Variants in ANK3 observed in about 807,000 individuals in gnomAD.
ANK3 encodes the protein ankyrin 3, also known as ankyrin-3.
In ANK3, 57 loss-of-function variants were observed where a neutral mutation model predicts 370.9. The ratio of observed to expected loss-of-function variants is 0.15; its 90% CI spans 0.12 to 0.19. The LOEUF is 0.19. Ranked by LOEUF, ANK3 falls within the 10% of genes least tolerant of loss-of-function variation. ANK3 has a pLI of 1.00. For synonymous variants in ANK3, 1,929 were observed against 1,946.3 expected (o/e 0.99, Z 0.23); for missense variants, 4,439 against 5,302.1 (o/e 0.84, Z 5.06).
chr10:60,438,840 A>G (rs1372596536), intron 2 of ANK3, among the ~76,000 whole-genome samples: 2 of 152,212 alleles, frequency 1.3e-5, no homozygotes. Flanking sequence ...AGATGAGCTG[A>G]TCCTTTGCTG....
intron 2 of ANK3, among the ~76,000 whole-genome samples, chr10:60,516,897 C>T (rs1299645624): frequency 1.3e-5 from 2 of 152,032 alleles, no homozygotes; most frequent in African/African-American, 2.4e-5. Flanking sequence ...CTTCTTAAAA[C>T]CTCTGTGAAA....
intron 1 of ANK3, among the ~76,000 whole-genome samples, chr10:60,327,180 T>C (rs2050112527): frequency 6.6e-6 from 1 of 152,064 alleles, no homozygotes; most frequent in South Asian, 2.1e-4. Flanking sequence ...GAGGGCGAGG[T>C]GACAGTTATG....
chr10:60,648,540 A>G (rs1236634005), intron 1 of ANK3, among the ~76,000 whole-genome samples: 2 of 143,482 alleles, frequency 1.4e-5, no homozygotes, highest in Non-Finnish European at 3.0e-5. Flanking sequence ...GGAGGCCGAC[A>G]AGGGTGGATC....
intron 25 of ANK3, among the ~76,000 whole-genome samples, chr10:60,132,622 A>AT (rs113211840): frequency 0.075 from 10,818 of 144,574 alleles, 1,065 homozygotes; most frequent in African/African-American, 0.23. Context: ...CCTATAATCA[A>AT]TTTTTTTTTT....
intron 21 of ANK3, among the ~76,000 whole-genome samples, chr10:60,168,962 T>C (rs2095700494): frequency 6.6e-6 from 1 of 152,234 alleles, no homozygotes; most frequent in African/African-American, 2.4e-5. Flanking sequence ...GCATTTGGGT[T>C]GATTTCACAT....
intron 2 of ANK3, among the ~76,000 whole-genome samples, chr10:60,477,943 T>G (rs147549991): frequency 3.9e-5 from 6 of 152,208 alleles, no homozygotes; most frequent in Non-Finnish European, 8.8e-5. Flanking sequence ...TAGGATAATA[T>G]GAAGTCAGGT....
At chr10:60,162,944 C>A (rs1254220914) in intron 23 of ANK3, among the ~76,000 whole-genome samples, 1 of 152,102 alleles carries the variant, frequency 6.6e-6, no homozygotes, top group South Asian at 2.1e-4. Context: ...ACATTTTATA[C>A]CCCCCTGCCC....
At chr10:60,301,712 C>T (rs188846278) in intron 1 of ANK3, among the ~76,000 whole-genome samples, 3 of 152,194 alleles carry the variant, frequency 2.0e-5, no homozygotes, top group East Asian at 1.9e-4. Context: ...CCACTGTACC[C>T]GGCCCAGATA....
At chr10:60,695,540 T>C (rs1469547824) in intron 1 of ANK3, among the ~76,000 whole-genome samples, 3 of 152,104 alleles carry the variant, frequency 2.0e-5, no homozygotes, top group African/African-American at 7.2e-5. Flanking sequence ...ACAGAAATTA[T>C]AACAAACTGT....
chr10:60,480,874 A>C (rs907793695), intron 2 of ANK3, among the ~76,000 whole-genome samples: 3 of 152,190 alleles, frequency 2.0e-5, no homozygotes, highest in Non-Finnish European at 4.4e-5. Context: ...TGCTAACAAA[A>C]GTTTTGGATC....
At chr10:60,279,465 G>T (rs374535117) in intron 2 of ANK3, 73 bp downstream of exon 2, 2 of 1,157,858 alleles carry the variant, frequency 1.7e-6, no homozygotes, top group Non-Finnish European at 1.3e-6. Context: ...ACAAATAAAT[G>T]AAGTCTTTAA....
At chr10:60,288,954 T>C (rs995518153) in intron 1 of ANK3, among the ~76,000 whole-genome samples, 11 of 150,178 alleles carry the variant, frequency 7.3e-5, no homozygotes, top group African/African-American at 1.7e-4. Flanking sequence ...TCAGATTCGA[T>C]TGGTCTGAGA....
chr10:60,458,200 T>C (rs1434838810), intron 2 of ANK3, among the ~76,000 whole-genome samples: 1 of 152,102 alleles, frequency 6.6e-6, no homozygotes, highest in Non-Finnish European at 1.5e-5. Context: ...AGATGGAAGT[T>C]ACTGGGAAAT....
At chr10:60,293,785 T>G (rs571271960) in intron 1 of ANK3, among the ~76,000 whole-genome samples, 17 of 152,346 alleles carry the variant, frequency 1.1e-4, no homozygotes, top group Admixed American at 9.2e-4. Context: ...ATAGCTTGGC[T>G]ACACAACAAC....
At chr10:60,106,620 A>G (rs999538599) in intron 27 of ANK3, among the ~76,000 whole-genome samples, 6 of 151,882 alleles carry the variant, frequency 4.0e-5, no homozygotes, top group Non-Finnish European at 8.8e-5. Flanking sequence ...GTGAAATGGT[A>G]GTAGGTAGCT....
chr10:60,275,365 T>C (rs1025896181), intron 4 of ANK3, among the ~76,000 whole-genome samples: 3 of 152,192 alleles, frequency 2.0e-5, no homozygotes, highest in Non-Finnish European at 4.4e-5. Flanking sequence ...TGCTGTCTAA[T>C]ACACATCAAA....
intron 28 of ANK3, among the ~76,000 whole-genome samples, chr10:60,094,340 AC>A (rs2089568721): frequency 1.3e-5 from 2 of 152,136 alleles, no homozygotes; most frequent in African/African-American, 4.8e-5. Context: ...GCCATGCGCT[AC>A]CATGCCCAGC....
chr10:60,490,879 C>G (rs926153229), intron 2 of ANK3, among the ~76,000 whole-genome samples: 44 of 152,136 alleles, frequency 2.9e-4, no homozygotes, highest in Admixed American at 2.1e-3. Context: ...TCACCCAAAA[C>G]AAAATATAGA....
chr10:60,121,774 G>A (rs2093491513), intron 25 of ANK3, among the ~76,000 whole-genome samples: 1 of 151,844 alleles, frequency 6.6e-6, no homozygotes, highest in South Asian at 2.1e-4. Flanking sequence ...ATTGTACATT[G>A]TAAAATAACT....
Sources: allele counts gnomAD v4.1 joint callset (sites outside exome capture counted in the v4.1 genomes callset), GRCh38; gene constraint gnomAD v4.1.1; transcripts MANE v1.5; gene names NCBI Gene and HGNC (gene_info 2026-07-23, HGNC 2026-07-21).